ITPR1: variants seen among roughly 807,000 people sequenced by gnomAD.
ITPR1 encodes the protein inositol 1,4,5-trisphosphate-gated calcium channel ITPR1.
In ITPR1, 96 loss-of-function variants were observed where a neutral mutation model predicts 318.4. The observed-to-expected ratio is 0.30, with a 90% CI of 0.26 to 0.36. The LOEUF (loss-of-function observed/expected upper bound fraction) is 0.36, where lower values mean the gene tolerates loss of function less well. Among genes scored for constraint, ITPR1 ranks in the 10% least tolerant of loss-of-function variants. The pLI is 1.00. For missense variants in ITPR1, 2,440 were observed against 3,460.2 expected (o/e 0.71, Z 7.40); for synonymous variants, 1,312 against 1,289.9 (o/e 1.02, Z -0.37).
At chr3:4,500,841 G>A (rs191137421) in intron 2 of ITPR1, among the ~76,000 whole-genome samples, 10 of 152,032 alleles carry the variant, frequency 6.6e-5, no homozygotes, top group African/African-American at 2.4e-4. Context: ...CAATTTAGTG[G>A]GCCTTGATGA....
At chr3:4,548,912 C>T (rs1345356609) in intron 4 of ITPR1, among the ~76,000 whole-genome samples, 4 of 152,164 alleles carry the variant, frequency 2.6e-5, no homozygotes, top group Non-Finnish European at 4.4e-5. Context: ...CTGGGTTATT[C>T]TCCCTTCTCA....
At chr3:4,604,275 C>A (rs1265291120) in intron 4 of ITPR1, among the ~76,000 whole-genome samples, 1 of 152,104 alleles carries the variant, frequency 6.6e-6, no homozygotes. Flanking sequence ...GAGTAAGATG[C>A]TGGACCTATG....
chr3:4,535,672 C>T (rs1167510512), intron 4 of ITPR1, among the ~76,000 whole-genome samples: 4 of 151,856 alleles, frequency 2.6e-5, no homozygotes, highest in Non-Finnish European at 5.9e-5. Context: ...GTCTCAATCT[C>T]CTGACCTTGT....
intron 4 of ITPR1, among the ~76,000 whole-genome samples, chr3:4,594,607 G>A (rs1559505032): frequency 6.6e-6 from 1 of 152,158 alleles, no homozygotes; most frequent in Non-Finnish European, 1.5e-5. Flanking sequence ...CAGCCATTGT[G>A]TTCACATTCC....
chr3:4,549,164 C>A, intron 4 of ITPR1, among the ~76,000 whole-genome samples: 1 of 152,124 alleles, frequency 6.6e-6, no homozygotes, highest in East Asian at 1.9e-4. Context: ...CTTCTAAATA[C>A]CAATTTGCCT....
intron 6 of ITPR1, among the ~76,000 whole-genome samples, chr3:4,639,696 G>T (rs1476760951): frequency 1.3e-5 from 2 of 152,176 alleles, no homozygotes; most frequent in Non-Finnish European, 2.9e-5. Context: ...GTCTGTGGCT[G>T]ATCATTTCAC....
chr3:4,533,586 C>T (rs1176467125), intron 4 of ITPR1, among the ~76,000 whole-genome samples: 2 of 152,232 alleles, frequency 1.3e-5, no homozygotes, highest in Non-Finnish European at 2.9e-5. Flanking sequence ...CGGGACATCT[C>T]TTAGGAAGCT....
intron 4 of ITPR1, among the ~76,000 whole-genome samples, chr3:4,613,012 G>C (rs970475575): frequency 6.6e-6 from 1 of 152,202 alleles, no homozygotes; most frequent in African/African-American, 2.4e-5. Flanking sequence ...GGTTAAGGAC[G>C]TGCCTGTGAC....
In ITPR1 at chr3:4,693,474, C is replaced by T. The variant is rs905561329; in HGVS notation, c.4030-16C>T. The T allele has an allele frequency of 1.9e-6, 3 of 1,610,908 alleles. No individual in the cohort carries two copies. Among genetic ancestry groups the T allele is most frequent in the South Asian group, 1.1e-5 (1 of 91,002 alleles). Reference sequence around the variant, plus strand: ...CTGCAAGCTTGTAATCTAAACCCACCCTGTTCTTTATGTAGCTGGTCAATT... The same window carrying T: ...CTGCAAGCTTGTAATCTAAACCCACTCTGTTCTTTATGTAGCTGGTCAATT... On this transcript the variant is annotated splice_polypyrimidine_tract_variant and intron_variant, in intron 32 of 61. Coordinates refer to ENST00000649015, the MANE Select transcript of ITPR1 (RefSeq NM_001378452.1).
In ITPR1 at chr3:4,805,581, AT is replaced by A. The variant is rs565961421; in HGVS notation, c.7108-514del. On this transcript the variant is annotated intron_variant, in intron 54 of 61. Coordinates refer to ENST00000649015, the MANE Select transcript of ITPR1 (RefSeq NM_001378452.1). ...TAGAACTCATCCTGAAGTCCCTTAT[AT>A]TTTTTTTCCCCCAAGAAAATTGTTG... 2.0e-4 allele frequency among the ~76,000 whole-genome samples: 30 copies of A among 152,072 alleles called. 1 individual carries two copies. The highest frequency in any genetic ancestry group is 5.2e-4 in the Admixed American group (8 of 15,274).
chr3:4,767,581 C>T (rs371778436), intron 45 of ITPR1, among the ~76,000 whole-genome samples: 81 of 152,370 alleles, frequency 5.3e-4, no homozygotes, highest in Admixed American at 4.7e-3. Flanking sequence ...TGCAGTGGCA[C>T]GATCATTGCT....
chr3:4,701,831 G>A (rs1199828813), intron 35 of ITPR1, among the ~76,000 whole-genome samples: 1 of 152,108 alleles, frequency 6.6e-6, no homozygotes, highest in African/African-American at 2.4e-5. Context: ...TCTGAACCAT[G>A]TTTATCAGGG....
chr3:4,815,564 C>T (rs1399323187), intron 59 of ITPR1, among the ~76,000 whole-genome samples: 1 of 152,114 alleles, frequency 6.6e-6, no homozygotes, highest in East Asian at 1.9e-4. Flanking sequence ...TTATGAGAGA[C>T]AGCGTATGTA....
chr3:4,608,812 G>A (rs2091877565), intron 4 of ITPR1, among the ~76,000 whole-genome samples: 1 of 151,488 alleles, frequency 6.6e-6, no homozygotes, highest in African/African-American at 2.4e-5. Flanking sequence ...GACCAGCCTG[G>A]CCAATGTGGT....
At chr3:4,538,371 G>A (rs1403207085) in intron 4 of ITPR1, among the ~76,000 whole-genome samples, 1 of 152,150 alleles carries the variant, frequency 6.6e-6, no homozygotes, top group Non-Finnish European at 1.5e-5. Context: ...CAGTCAGAAT[G>A]GTAATTATTA....
In ITPR1 at chr3:4,838,808, A is replaced by G. The variant is rs182729738; in HGVS notation, c.8190+1873A>G. On this transcript the variant is annotated intron_variant, in intron 61 of 61. Coordinates refer to ENST00000649015, the MANE Select transcript of ITPR1 (RefSeq NM_001378452.1). ...TGATCTGAGAAACTGGGTGTTACCA[A>G]TTTACTAGAGAGTTTCTTAAAATGT... Among the ~76,000 whole-genome samples, 405 of 152,328 alleles carry G rather than the reference A, an allele frequency of 2.7e-3. 9 individuals are homozygous for G. Among genetic ancestry groups the G allele is most frequent in the Admixed American group, 0.025 (378 of 15,306 alleles).
At chr3:4,758,832 C>A (rs2045220139) in intron 44 of ITPR1, among the ~76,000 whole-genome samples, 1 of 152,192 alleles carries the variant, frequency 6.6e-6, no homozygotes, top group African/African-American at 2.4e-5. Context: ...CTCATTTGTG[C>A]CCTGGGTTCG....
At chr3:4,782,821 T>A in intron 50 of ITPR1, 80 bp downstream of exon 50, 1 of 1,326,316 alleles carries the variant, frequency 7.5e-7, no homozygotes, top group Non-Finnish European at 9.9e-7. Flanking sequence ...CCCCCAGTCT[T>A]GCTTTTCCTT....
At chr3:4,617,396 G>A (rs952961722) in intron 4 of ITPR1, among the ~76,000 whole-genome samples, 2 of 152,148 alleles carry the variant, frequency 1.3e-5, no homozygotes, top group Non-Finnish European at 2.9e-5. Context: ...TGCATCCTGT[G>A]GAGGGGAGGA....
Sources: gnomAD v4.1 joint callset for allele counts (sites outside exome capture counted in the v4.1 genomes callset) on GRCh38, gnomAD v4.1.1 for gene constraint, MANE v1.5 for transcripts, NCBI Gene and HGNC (gene_info 2026-07-23, HGNC 2026-07-21) for gene names.